Variants in ZFYVE9 observed in about 807,000 individuals in gnomAD.
The protein encoded by ZFYVE9 is zinc finger FYVE-type containing 9, also known as zinc finger FYVE domain-containing protein 9.
ZFYVE9 carries 43 observed loss-of-function variants against 126.7 expected under a neutral mutation model. The ratio of observed to expected loss-of-function variants is 0.34; its 90% CI spans 0.27 to 0.44. ZFYVE9 has a LOEUF of 0.44. Among genes scored for constraint, ZFYVE9 ranks in the 20% least tolerant of loss-of-function variants. ZFYVE9 has a pLI of 1.00. For missense variants in ZFYVE9, 1,476 were observed against 1,697.0 expected (o/e 0.87, Z 2.29); for synonymous variants, 521 against 597.4 (o/e 0.87, Z 1.87).
intron 4 of ZFYVE9, chr1:52,253,664 A>G: frequency 6.3e-7 from 1 of 1,576,072 alleles, no homozygotes; most frequent in Non-Finnish European, 8.7e-7. Context: ...GACCCTGAGC[A>G]GTTGGAAAAG....
intron 2 of ZFYVE9, among the ~76,000 whole-genome samples, chr1:52,219,033 C>T (rs563928117): frequency 2.6e-5 from 4 of 152,144 alleles, no homozygotes; most frequent in South Asian, 2.1e-4. Flanking sequence ...TAGGGCGGTG[C>T]GACCCTCTGA....
intron 1 of ZFYVE9, among the ~76,000 whole-genome samples, chr1:52,203,222 C>T (rs1644940912): frequency 6.6e-6 from 1 of 151,830 alleles, no homozygotes; most frequent in African/African-American, 2.4e-5. Flanking sequence ...CACTCTTTTG[C>T]CCAGACTGGA....
chr1:52,305,972 G>A (rs894870811), intron 13 of ZFYVE9, among the ~76,000 whole-genome samples: 2 of 152,172 alleles, frequency 1.3e-5, no homozygotes, highest in African/African-American at 2.4e-5. Context: ...GCAGCTCAAT[G>A]CTGGCCTGCA....
At chr1:52,190,343 A>G (rs890074108) in intron 1 of ZFYVE9, 1 of 152,122 alleles carries the variant, frequency 6.6e-6, no homozygotes, top group African/African-American at 2.4e-5. Context: ...TTCAACTGTT[A>G]CTGTTGAATT....
At chr1:52,294,394 T>C (rs750832484) in intron 11 of ZFYVE9, among the ~76,000 whole-genome samples, 12 of 152,214 alleles carry the variant, frequency 7.9e-5, no homozygotes, top group South Asian at 2.1e-4. Context: ...AGAGAATAAA[T>C]GAAACATAAT....
At chr1:52,163,362 G>C (rs1644481007) in intron 1 of ZFYVE9, among the ~76,000 whole-genome samples, 1 of 152,210 alleles carries the variant, frequency 6.6e-6, no homozygotes, top group Admixed American at 6.5e-5. Flanking sequence ...TATGAGACAA[G>C]TCTTGGCTCG....
At chr1:52,197,575 G>T (rs1359548252) in intron 1 of ZFYVE9, among the ~76,000 whole-genome samples, 2 of 151,014 alleles carry the variant, frequency 1.3e-5, no homozygotes, top group African/African-American at 4.9e-5. Flanking sequence ...GAGGAGTCAG[G>T]GATGAAGATG....
At chr1:52,171,720 T>C (rs1372726866) in intron 1 of ZFYVE9, among the ~76,000 whole-genome samples, 2 of 152,086 alleles carry the variant, frequency 1.3e-5, no homozygotes, top group Admixed American at 1.3e-4. Context: ...TATCTCATTG[T>C]AGTTTTGATT....
intron 12 of ZFYVE9, among the ~76,000 whole-genome samples, chr1:52,299,409 C>G (rs1441647050): frequency 4.6e-5 from 7 of 152,182 alleles, no homozygotes; most frequent in African/African-American, 1.7e-4. Context: ...ATTTCTTTCT[C>G]TTGCCTAAGT....
At chr1:52,333,028 AAATT>A (rs1269534393) in intron 14 of ZFYVE9, 110 bp downstream of exon 14, 12 of 1,370,254 alleles carry the variant, frequency 8.8e-6, no homozygotes, top group Admixed American at 2.3e-5. Flanking sequence ...GACCACAAAC[AAATT>A]AATTAACCTT....
intron 4 of ZFYVE9, chr1:52,253,888 A>G: frequency 8.7e-7 from 1 of 1,152,018 alleles, no homozygotes; most frequent in Non-Finnish European, 1.3e-6. Flanking sequence ...TGAAAGCTAT[A>G]CTCCAAGCAA....
chr1:52,176,104 GT>G (rs1307525192), intron 1 of ZFYVE9, among the ~76,000 whole-genome samples: 1 of 152,174 alleles, frequency 6.6e-6, no homozygotes, highest in African/African-American at 2.4e-5. Context: ...TTTCTGCTCT[GT>G]TTTTTCCTCA....
chr1:52,166,563 T>C (rs1232613001), intron 1 of ZFYVE9, among the ~76,000 whole-genome samples: 2 of 152,210 alleles, frequency 1.3e-5, no homozygotes, highest in Admixed American at 6.5e-5. Context: ...TTCATGATTT[T>C]TCATCTGAAC....
In ZFYVE9 at chr1:52,263,753, T is replaced by TTG; in HGVS notation, c.2179-20_2179-19insTG. On this transcript the variant is annotated intron_variant, in intron 4 of 18. Transcript: ENST00000287727. Reference sequence around the variant, plus strand: ...ATCCCAAGTAAATTTTGTGTGTTCTTCCCCCCCCCCCCCCCACAGGTTTTC... The same window carrying TTG: ...ATCCCAAGTAAATTTTGTGTGTTCTTTGCCCCCCCCCCCCCCCACAGGTTTTC... 3 of 713,084 alleles carry TTG rather than the reference T, an allele frequency of 4.2e-6. No individual in the cohort carries two copies. The highest frequency in any genetic ancestry group is 4.1e-6 in the Non-Finnish European group (2 of 490,712). 44.2% of individuals were successfully genotyped at this position (713,084 alleles called of 1,614,324 possible). A position where few individuals can be genotyped will look rare whatever the true frequency, so the allele number is the denominator to read the frequency against.
At chr1:52,314,589 G>A (rs910166414) in intron 13 of ZFYVE9, among the ~76,000 whole-genome samples, 19 of 152,128 alleles carry the variant, frequency 1.2e-4, no homozygotes, top group Non-Finnish European at 2.4e-4. Flanking sequence ...ATGCCAAGGC[G>A]GGTGGATCAT....
intron 12 of ZFYVE9, among the ~76,000 whole-genome samples, chr1:52,300,914 C>T (rs1646027196): frequency 6.7e-6 from 1 of 149,790 alleles, no homozygotes; most frequent in African/African-American, 2.5e-5. Context: ...GGTTGTAGTG[C>T]AGTGGCACAA....
intron 14 of ZFYVE9, among the ~76,000 whole-genome samples, chr1:52,334,423 G>T (rs1646371288): frequency 6.6e-6 from 1 of 152,180 alleles, no homozygotes; most frequent in Non-Finnish European, 1.5e-5. Context: ...CAACCATTAA[G>T]ATTCCTTTTC....
chr1:52,231,772 C>T (rs1270461529), intron 2 of ZFYVE9, among the ~76,000 whole-genome samples: 1 of 151,782 alleles, frequency 6.6e-6, no homozygotes, highest in Non-Finnish European at 1.5e-5. Context: ...TACAGGCACA[C>T]GCTACCACTC....
At chr1:52,224,075 C>G (rs1362728126) in intron 2 of ZFYVE9, among the ~76,000 whole-genome samples, 3 of 152,178 alleles carry the variant, frequency 2.0e-5, no homozygotes, top group Non-Finnish European at 4.4e-5. Context: ...ATTTACAAAG[C>G]CAATATCCCC....
Sources: allele counts gnomAD v4.1 joint callset (sites outside exome capture counted in the v4.1 genomes callset), GRCh38; gene constraint gnomAD v4.1.1; transcripts MANE v1.5; gene names NCBI Gene and HGNC (gene_info 2026-07-23, HGNC 2026-07-21).